The following ANKMY1 variants were observed in gnomAD, a reference collection of about 807,000 sequenced individuals.
The protein encoded by ANKMY1 is ankyrin repeat and MYND domain-containing protein 1.
A neutral mutation model predicts 102.0 loss-of-function variants in ANKMY1; 98 were observed. That is an observed-to-expected ratio of 0.96 (90% CI 0.82 to 1.14). The LOEUF is 1.14. ANKMY1 is among the 50% of genes most tolerant of loss of function. The pLI, the probability that ANKMY1 is intolerant of heterozygous loss-of-function variation, is 0.00. For synonymous variants in ANKMY1, 582 were observed against 559.9 expected (o/e 1.04, Z -0.56); for missense variants, 1,330 against 1,347.6 (o/e 0.99, Z 0.20).
At chr2:240,559,323 T>C (rs1479815830), upstream of ANKMY1, among the ~76,000 whole-genome samples, 6 of 152,164 alleles carry the variant, frequency 3.9e-5, no homozygotes, top group Admixed American at 2.6e-4. Flanking sequence ...CAGGTTTTGT[T>C]TGATTCATTT....
chr2:240,520,745 C>T lies in ANKMY1; in HGVS notation c.1833-212G>A, dbSNP rs2082069725. On this transcript the variant is annotated intron_variant, in intron 8 of 17. Coordinates refer to ENST00000401804, the MANE Select transcript of ANKMY1 (RefSeq NM_001282771.3). This position sits in a 1 kb window ranked among gnomAD's most constrained non-coding sequence, Gnocchi z 4.8. ...CAAGCCACACCAGAGCGCACACACACGGCACACACAGCACACCACACAGCA... is the reference window on the plus strand; with the variant it reads ...CAAGCCACACCAGAGCGCACACACATGGCACACACAGCACACCACACAGCA... 6.7e-6 allele frequency among the ~76,000 whole-genome samples: 1 copy of T among 150,186 alleles called. No homozygotes were observed. The highest frequency in any genetic ancestry group is 6.6e-5 in the Admixed American group (1 of 15,088).
chr2:240,533,802 T>A (rs2152459305), intron 4 of ANKMY1, among the ~76,000 whole-genome samples: 1 of 151,296 alleles, frequency 6.6e-6, no homozygotes, highest in African/African-American at 2.4e-5. Context: ...ACAAAAAATG[T>A]AAAATGAAGA....
chr2:240,515,418 C>T (rs1003117714), intron 9 of ANKMY1, among the ~76,000 whole-genome samples: 1 of 151,948 alleles, frequency 6.6e-6, no homozygotes, highest in African/African-American at 2.4e-5. Flanking sequence ...GCCTGTAATC[C>T]CAGCTACTCA....
rs975161190 is a variant in ANKMY1, at chr2:240,511,787, G to T, written c.2286+74C>A. 9 of 1,480,436 alleles carry T rather than the reference G, an allele frequency of 6.1e-6. No individual in the cohort carries two copies. The African/African-American group carries it at 1.2e-4, about 19-fold the overall frequency. The allele number at this position is 1,480,436 out of a possible 1,614,324, so 91.7% of individuals were successfully genotyped here. A position where few individuals can be genotyped will look rare whatever the true frequency, so the allele number is the denominator to read the frequency against. Reference sequence around the variant, plus strand: ...CTCAGCATGAGAACACATGCTTCCGGGGGCACAAGGCCCTGGAAGGTGGCC... The same window carrying T: ...CTCAGCATGAGAACACATGCTTCCGTGGGCACAAGGCCCTGGAAGGTGGCC... On this transcript the variant is annotated intron_variant, in intron 11 of 17. Transcript: ENST00000401804.
intron 4 of ANKMY1, chr2:240,532,072 CAATATTTGA>C (rs1169834572): frequency 1.9e-5 from 9 of 467,494 alleles, no homozygotes; most frequent in Non-Finnish European, 3.1e-5. Context: ...GAGGCACAGG[CAATATTTGA>C]AGAAATAACA....
intron 4 of ANKMY1, among the ~76,000 whole-genome samples, chr2:240,541,947 C>T (rs1483684026): frequency 6.6e-6 from 1 of 151,674 alleles, no homozygotes; most frequent in Non-Finnish European, 1.5e-5. Context: ...CAGTGGCTCA[C>T]GCCTGTAATC....
chr2:240,507,043 G>A (rs2079196503), intron 13 of ANKMY1, among the ~76,000 whole-genome samples: 1 of 152,048 alleles, frequency 6.6e-6, no homozygotes, highest in African/African-American at 2.4e-5. Context: ...GGACCAAGGT[G>A]AGGTCTATGT....
At chr2:240,513,784 G>A (rs1000254004) in intron 9 of ANKMY1, among the ~76,000 whole-genome samples, 2 of 152,348 alleles carry the variant, frequency 1.3e-5, no homozygotes, top group African/African-American at 4.8e-5. Context: ...AGCAGCCCCT[G>A]CGACCTCCAC....
intron 12 of ANKMY1, among the ~76,000 whole-genome samples, chr2:240,508,046 G>A (rs2079413836): frequency 6.6e-6 from 1 of 152,242 alleles, no homozygotes. Flanking sequence ...CCAAGCCCAG[G>A]GGCCAGTCCC....
At chr2:240,528,939 G>A in intron 5 of ANKMY1, 98 bp downstream of exon 5, 4 of 1,089,118 alleles carry the variant, frequency 3.7e-6, no homozygotes, top group Non-Finnish European at 5.5e-6. Flanking sequence ...CCCTGAGGGA[G>A]CACTGTCAGT....
intron 5 of ANKMY1, chr2:240,526,691 C>G (rs1463073770): frequency 4.3e-6 from 6 of 1,407,548 alleles, no homozygotes; most frequent in Non-Finnish European, 5.5e-6. Flanking sequence ...TCTGTCCCGA[C>G]AGGAATGTGC....
At chr2:240,515,842 C>A (rs545200759) in intron 9 of ANKMY1, among the ~76,000 whole-genome samples, 2 of 151,732 alleles carry the variant, frequency 1.3e-5, no homozygotes, top group African/African-American at 4.8e-5. Context: ...CTCAGCCTCC[C>A]GAGTAGCTGG....
intron 12 of ANKMY1, among the ~76,000 whole-genome samples, chr2:240,509,087 A>G (rs2079615922): frequency 6.6e-6 from 1 of 151,610 alleles, no homozygotes; most frequent in African/African-American, 2.4e-5. Flanking sequence ...GTAGATGGAT[A>G]AGTGGATGAG....
At chr2:240,556,995 G>T (rs939223793) in intron 2 of ANKMY1, among the ~76,000 whole-genome samples, 195 bp downstream of exon 2, 2 of 147,594 alleles carry the variant, frequency 1.4e-5, no homozygotes, top group African/African-American at 5.0e-5. Context: ...ACATGAGAAG[G>T]TTCCAATTAC....
chr2:240,528,247 C>T (rs7607949), intron 5 of ANKMY1, among the ~76,000 whole-genome samples: 21,989 of 151,584 alleles, frequency 0.15, 1,712 homozygotes, highest in South Asian at 0.28. Flanking sequence ...GATCACGCCA[C>T]GGCACTCCAG....
chr2:240,514,543 T>G (rs2080845789), intron 9 of ANKMY1, among the ~76,000 whole-genome samples: 1 of 152,124 alleles, frequency 6.6e-6, no homozygotes, highest in South Asian at 2.1e-4. Flanking sequence ...ATTCTGTATC[T>G]AGCTAATCTA....
upstream of ANKMY1, chr2:240,560,463 C>G: frequency 1.6e-6 from 1 of 631,478 alleles, no homozygotes; most frequent in South Asian, 4.6e-5. Context: ...CCTGGTGAGG[C>G]CCAAACCTCC....
At chr2:240,560,539 AG>A, upstream of ANKMY1, 1 of 1,185,286 alleles carries the variant, frequency 8.4e-7, no homozygotes, top group Non-Finnish European at 1.1e-6. Context: ...GGGGGACCCA[AG>A]CCCCAGCCTG....
intron 4 of ANKMY1, among the ~76,000 whole-genome samples, chr2:240,542,723 T>C (rs942027673): frequency 3.3e-5 from 1 of 29,924 alleles, no homozygotes; most frequent in African/African-American, 7.8e-5. Flanking sequence ...TTTATATCTA[T>C]ATATATATAT....
Sources: gnomAD v4.1 joint callset for allele counts (sites outside exome capture counted in the v4.1 genomes callset) on GRCh38, gnomAD v4.1.1 for gene constraint, Gnocchi (gnomAD v3.1) non-coding constraint, MANE v1.5 for transcripts, NCBI Gene and HGNC (gene_info 2026-07-23, HGNC 2026-07-21) for gene names.